The following SAP130 variants were observed in gnomAD, a reference collection of about 807,000 sequenced individuals.
The protein encoded by SAP130 is histone deacetylase complex subunit SAP130.
A neutral mutation model predicts 103.2 loss-of-function variants in SAP130; 16 were observed. The observed-to-expected ratio is 0.16, with a 90% CI of 0.10 to 0.24. The LOEUF is 0.24. Ranked by LOEUF, SAP130 falls within the 10% of genes least tolerant of loss-of-function variation. The pLI, the probability that SAP130 is intolerant of heterozygous loss-of-function variation, is 1.00. For missense variants in SAP130, 990 were observed against 1,359.7 expected, an observed-to-expected ratio of 0.73 and a Z score of 4.28; for synonymous variants, 477 against 497.0, an observed-to-expected ratio of 0.96 and a Z score of 0.53.
rs560886157 is a variant in SAP130 at position 128,027,846 on chromosome 2, G to A, written c.-7+94C>T. On this transcript the variant is annotated intron_variant, in intron 1 of 20. Transcript: ENST00000643581. ...GACGAGGATCCTCTGCCCTTCCCCG[G>A]GGACGCGCAACGGGACGGACGCTGC... 34 of 823,980 alleles carry A rather than the reference G, an allele frequency of 4.1e-5. No homozygotes were observed. The East Asian group carries it at 3.6e-3, about 87-fold the overall frequency. The allele number at this position is 823,980 out of a possible 1,614,324, so 51.0% of individuals were successfully genotyped here. A position where few individuals can be genotyped will look rare whatever the true frequency, so the allele number is the denominator to read the frequency against.
intron 3 of SAP130, among the ~76,000 whole-genome samples, 161 bp from the exon 4 acceptor site, chr2:128,016,708 T>G (rs941296951): frequency 6.6e-6 from 1 of 152,226 alleles, no homozygotes; most frequent in East Asian, 1.9e-4. Flanking sequence ...TCCACTGAAG[T>G]ACTAGCATTT....
intron 15 of SAP130, among the ~76,000 whole-genome samples, chr2:127,976,071 C>T (rs905836873): frequency 2.0e-5 from 3 of 152,202 alleles, no homozygotes; most frequent in African/African-American, 7.2e-5. Context: ...TGGTCTCTAT[C>T]TCCTGACCTT....
In SAP130 at chr2:127,945,573, A is replaced by G; in HGVS notation, c.2798-14T>C. 5.5e-6 allele frequency: 8 copies of G among 1,456,048 alleles called. No homozygotes were observed. The highest frequency in any genetic ancestry group is 7.7e-6 in the Non-Finnish European group (8 of 1,036,428). The allele number at this position is 1,456,048 out of a possible 1,614,324, so 90.2% of individuals were successfully genotyped here. A position where few individuals can be genotyped will look rare whatever the true frequency, so the allele number is the denominator to read the frequency against. The stretch of plus-strand genomic sequence containing the variant: ...CTTTCTTCTCCTCTGGAACCATAAA[A>G]AATAAAAATACATGTATTTCAGTGT... On this transcript the variant is annotated splice_polypyrimidine_tract_variant and intron_variant, in intron 18 of 20. Coordinates refer to ENST00000643581, the MANE Select transcript of SAP130 (RefSeq NM_001330301.2).
At position 127,942,201 on chromosome 2, in the gene SAP130, A is replaced by C; in HGVS notation, c.3016-37T>G. 1 of 1,556,760 alleles carries C rather than the reference A, an allele frequency of 6.4e-7. No individual in the cohort carries two copies. Among genetic ancestry groups the C allele is most frequent in the East Asian group, 2.2e-5 (1 of 44,546 alleles). On this transcript the variant is annotated intron_variant, in intron 20 of 20. Coordinates refer to ENST00000643581, the MANE Select transcript of SAP130 (RefSeq NM_001330301.2). The surrounding 1 kb of genome is among the most constrained non-coding windows in gnomAD (Gnocchi z 4.8). ...GACATTGCATCATCAATCAGTGACC[A>C]TGAGGATAGTACAGCTTTTAAAAAA...
intron 19 of SAP130, among the ~76,000 whole-genome samples, chr2:127,944,825 CA>C (rs1678957658): frequency 6.8e-6 from 1 of 147,526 alleles, no homozygotes; most frequent in African/African-American, 2.5e-5. Context: ...TTAAGCCCAG[CA>C]GGTTGATCAT....
chr2:127,992,481 T>A (rs878937537), intron 12 of SAP130, among the ~76,000 whole-genome samples: 2 of 151,710 alleles, frequency 1.3e-5, no homozygotes, highest in Non-Finnish European at 2.9e-5. Flanking sequence ...GGTTTCTCCA[T>A]GTTGGCCAGG....
chr2:127,959,894 T>C (rs1466874744), intron 15 of SAP130, among the ~76,000 whole-genome samples: 2 of 152,122 alleles, frequency 1.3e-5, no homozygotes, highest in African/African-American at 4.8e-5. Context: ...ATGTAATAAC[T>C]GAAATAAGAC....
At chr2:127,968,575 T>C (rs1680843715) in intron 15 of SAP130, among the ~76,000 whole-genome samples, 1 of 151,310 alleles carries the variant, frequency 6.6e-6, no homozygotes, top group African/African-American at 2.4e-5. Flanking sequence ...CAGGCTGGAG[T>C]GCAGTGGTAC....
chr2:127,944,724 C>T (rs1678949920), intron 19 of SAP130, among the ~76,000 whole-genome samples: 1 of 151,954 alleles, frequency 6.6e-6, no homozygotes, highest in Admixed American at 6.6e-5. Flanking sequence ...CCGTGCCTGG[C>T]CTCTACAAAA....
intron 7 of SAP130, among the ~76,000 whole-genome samples, chr2:128,004,659 G>T (rs1165369278): frequency 2.6e-5 from 4 of 152,172 alleles, no homozygotes; most frequent in Non-Finnish European, 5.9e-5. Context: ...ATTTGGACCA[G>T]TTCCAAGGGT....
At position 127,941,841 on chromosome 2, in the gene SAP130, G is replaced by T; in HGVS notation, c.*165C>A. 3.0e-6 allele frequency: 2 copies of T among 659,198 alleles called. No individual in the cohort carries two copies. The highest frequency in any genetic ancestry group is 5.2e-6 in the Non-Finnish European group (2 of 388,238). The allele number at this position is 659,198 out of a possible 1,614,324, so 40.8% of individuals were successfully genotyped here. A position where few individuals can be genotyped will look rare whatever the true frequency, so the allele number is the denominator to read the frequency against. On this transcript the variant is annotated 3_prime_UTR_variant, in exon 21 of 21. Transcript: ENST00000643581. ...CAGCTCACTATGTCCAGTCAGCTCTGATCCTTTCACGCCCTTGGATGTCAT... is the reference window on the plus strand; with the variant it reads ...CAGCTCACTATGTCCAGTCAGCTCTTATCCTTTCACGCCCTTGGATGTCAT...
chr2:127,988,535 G>A (rs1024648100), intron 13 of SAP130, among the ~76,000 whole-genome samples: 1 of 151,302 alleles, frequency 6.6e-6, no homozygotes, highest in Non-Finnish European at 1.5e-5. Context: ...CCAAGTACAT[G>A]GAATCTTAAA....
rs1679642039 is a variant in SAP130, at chr2:127,953,651, GCTC to G, written c.2422+1332_2422+1334del. Among the ~76,000 whole-genome samples, 1 of 152,116 alleles carries G rather than the reference GCTC, an allele frequency of 6.6e-6. No individual in the cohort carries two copies. Reference sequence around the variant, plus strand: ...GCTATATTTTGAGCACATCACGCATGCTCCTATCTCAAGATTTTTGTACTTACT... The same window carrying G: ...GCTATATTTTGAGCACATCACGCATGCTATCTCAAGATTTTTGTACTTACT... On this transcript the variant is annotated intron_variant, in intron 16 of 20. Transcript: ENST00000643581. This position sits in a 1 kb window ranked among gnomAD's most constrained non-coding sequence, Gnocchi z 4.0.
Position 128,026,193 on chromosome 2 carries a change from G to C in SAP130, c.100C>G (p.Pro34Ala), listed in dbSNP as rs772292474. 3.1e-6 allele frequency: 5 copies of C among 1,610,622 alleles called. No individual in the cohort carries two copies. In the South Asian group the frequency reaches 5.5e-5, roughly 18 times the overall value. Residue 34 changes from proline (P) to alanine (A), a missense_variant, in exon 2 of 21, where the codon CCA (proline) becomes GCA (alanine). Pro to Ala is a conservative substitution (Grantham distance 27). Around this residue, in one of 6 missense-constraint regions of SAP130, gnomAD observed 167 missense variants for 187.4 expected, o/e 0.89. Transcript: ENST00000643581. ...TTACATATCTCACCTGTAGCAGCTG[G>C]GTTTATCAATCCAGCAGAACCACTG... is the stretch of plus-strand genomic sequence containing the variant. The part of the protein sequence containing the change: ...ANSGSAGLIN[P>A]AATVNDESGR...
intron 15 of SAP130, among the ~76,000 whole-genome samples, chr2:127,968,223 C>T (rs1680806025): frequency 6.6e-6 from 1 of 151,662 alleles, no homozygotes; most frequent in South Asian, 2.1e-4. Flanking sequence ...ATTCTCCTGC[C>T]ACAGCCTCCG....
intron 12 of SAP130, among the ~76,000 whole-genome samples, 170 bp downstream of exon 12, chr2:127,993,017 T>C (rs1682919587): frequency 6.6e-6 from 1 of 152,240 alleles, no homozygotes; most frequent in Non-Finnish European, 1.5e-5. Context: ...ACAACTTTTA[T>C]AGATCACAAA....
chr2:127,970,714 CAAAAA>C (rs1204997635), intron 15 of SAP130, among the ~76,000 whole-genome samples: 2 of 151,198 alleles, frequency 1.3e-5, no homozygotes, highest in Non-Finnish European at 3.0e-5. Context: ...CAAAACAAAA[CAAAAA>C]AAAGACCAGT....
In SAP130 at chr2:127,953,443, T is replaced by C. The variant is rs189350572; in HGVS notation, c.2422+1543A>G. 1.3e-5 allele frequency among the ~76,000 whole-genome samples: 2 copies of C among 152,286 alleles called. No homozygotes were observed. Among genetic ancestry groups the C allele is most frequent in the East Asian group, 3.9e-4 (2 of 5,184 alleles). ...TTCCCCAGCAGCCAGAGTGTTTATC[T>C]TCAGTCCTAAGTGAGTGCTTGGCAC... On this transcript the variant is annotated intron_variant, in intron 16 of 20. Coordinates refer to ENST00000643581, the MANE Select transcript of SAP130 (RefSeq NM_001330301.2). This position sits in a 1 kb window ranked among gnomAD's most constrained non-coding sequence, Gnocchi z 4.0.
chr2:127,981,995 G>T (rs963399489), intron 14 of SAP130, among the ~76,000 whole-genome samples: 14 of 152,246 alleles, frequency 9.2e-5, no homozygotes, highest in Middle Eastern at 3.4e-3. Flanking sequence ...CTTTCTCTTG[G>T]CTGACCTTAC....
Sources: allele counts gnomAD v4.1 joint callset (sites outside exome capture counted in the v4.1 genomes callset), GRCh38; gene constraint gnomAD v4.1.1; regional missense constraint gnomAD v4.1.1; non-coding constraint Gnocchi (gnomAD v3.1); transcripts MANE v1.5; gene names NCBI Gene and HGNC (gene_info 2026-07-23, HGNC 2026-07-21).